Variants in CEMIP2 observed in about 807,000 individuals in gnomAD.
The protein encoded by CEMIP2 is cell surface hyaluronidase CEMIP2.
CEMIP2 carries 79 observed loss-of-function variants against 146.9 expected under a neutral mutation model. The ratio of observed to expected loss-of-function variants is 0.54; its 90% CI spans 0.45 to 0.65. The LOEUF (loss-of-function observed/expected upper bound fraction) is 0.65. Ranked by LOEUF, CEMIP2 falls within the 30% of genes least tolerant of loss-of-function variation. The pLI is 0.00. For missense variants in CEMIP2, 1,596 were observed against 1,696.2 expected, an observed-to-expected ratio of 0.94 and a Z score of 1.04; for synonymous variants, 601 against 606.3, an observed-to-expected ratio of 0.99 and a Z score of 0.13.
At chr9:71,769,377 C>T (rs966240495), upstream of CEMIP2, among the ~76,000 whole-genome samples, 2 of 152,246 alleles carry the variant, frequency 1.3e-5, no homozygotes, top group African/African-American at 4.8e-5. Flanking sequence ...CCTACCTGGC[C>T]AGGCGCGAGC....
At chr9:71,704,857 A>G in intron 17 of CEMIP2, 54 bp from the exon 18 acceptor site, 1 of 1,546,412 alleles carries the variant, frequency 6.5e-7, no homozygotes, top group South Asian at 1.1e-5. Flanking sequence ...TAAACAGCTA[A>G]AAAGACATTT....
At chr9:71,749,925 C>G in intron 2 of CEMIP2, 118 bp downstream of exon 2, 1 of 775,644 alleles carries the variant, frequency 1.3e-6, no homozygotes, top group Non-Finnish European at 2.0e-6. Flanking sequence ...CCTCGTATTA[C>G]CTAACTACAT....
At chr9:71,687,193 C>T (rs1461388970) in intron 22 of CEMIP2, 1 of 152,166 alleles carries the variant, frequency 6.6e-6, no homozygotes, top group Non-Finnish European at 1.5e-5. Context: ...AGATGAACTA[C>T]AGTATCAACT....
chr9:71,757,623 T>A (rs1589169372), intron 1 of CEMIP2, among the ~76,000 whole-genome samples: 2 of 152,358 alleles, frequency 1.3e-5, no homozygotes, highest in Non-Finnish European at 2.9e-5. Context: ...ATAAAATATT[T>A]AACCAGATTC....
At chr9:71,737,170 AAAAG>A (rs1168153653) in intron 5 of CEMIP2, among the ~76,000 whole-genome samples, 6 of 132,024 alleles carry the variant, frequency 4.5e-5, no homozygotes, top group East Asian at 2.0e-4. Flanking sequence ...AAAAAAAAAA[AAAAG>A]AAAGAAAGAA....
chr9:71,686,218 C>A, intron 22 of CEMIP2: 1 of 185,318 alleles, frequency 5.4e-6, no homozygotes, highest in Non-Finnish European at 1.1e-5. Context: ...ACAACACTTG[C>A]ATTACAGCCT....
chr9:71,762,503 C>CAGAAA (rs1824664564), intron 1 of CEMIP2, among the ~76,000 whole-genome samples: 1 of 79,734 alleles, frequency 1.3e-5, no homozygotes, highest in Non-Finnish European at 2.3e-5. Flanking sequence ...GCCCCGTCAC[C>CAGAAA]AAAAAAAAAA....
rs56233516 is a variant in CEMIP2, at chr9:71,756,257, T to TATAG, written c.-12-5873_-12-5872insCTAT. ...ATAGGTGTATATATATATATATATA[T>TATAG]GTATATATACACACGTATATGTATA... On this transcript the variant is annotated intron_variant, in intron 1 of 23. Coordinates refer to ENST00000377044, the MANE Select transcript of CEMIP2 (RefSeq NM_013390.3). 8.6e-4 allele frequency among the ~76,000 whole-genome samples: 125 copies of TATAG among 144,842 alleles called. 3 individuals are homozygous for TATAG. Among genetic ancestry groups the TATAG allele is most frequent in the East Asian group, 8.5e-3 (43 of 5,064 alleles).
intron 1 of CEMIP2, among the ~76,000 whole-genome samples, chr9:71,756,500 TCTCTCTCACACACACACA>T (rs1824460762): frequency 7.3e-6 from 1 of 137,822 alleles, no homozygotes; most frequent in African/African-American, 2.7e-5. Context: ...TCTCTCTCTC[TCTCTCTCACACACACACA>T]CACACACACA....
chr9:71,741,439 A>T (rs1235611168), intron 4 of CEMIP2, among the ~76,000 whole-genome samples: 1 of 151,490 alleles, frequency 6.6e-6, no homozygotes, highest in Non-Finnish European at 1.5e-5. Context: ...TCAGGTGATC[A>T]GCCTGCCTCG....
At position 71,707,294 on chromosome 9, in the gene CEMIP2, T is replaced by C. The variant is rs114798573; in HGVS notation, c.2985+1965A>G. On this transcript the variant is annotated intron_variant, in intron 17 of 23. Coordinates refer to ENST00000377044, the MANE Select transcript of CEMIP2 (RefSeq NM_013390.3). Reference sequence around the variant, plus strand: ...CCTTTCTTCTTTATTCTACTGTAGTTAATTCTCCATCCCTTCTGGGACTTA... The same window carrying C: ...CCTTTCTTCTTTATTCTACTGTAGTCAATTCTCCATCCCTTCTGGGACTTA... Among the ~76,000 whole-genome samples, 633 of 152,302 alleles carry C rather than the reference T, an allele frequency of 4.2e-3. 1 individual carries two copies. The highest frequency in any genetic ancestry group is 0.014 in the African/African-American group (602 of 41,562).
chr9:71,686,754 C>T (rs1309133623), intron 22 of CEMIP2: 1 of 152,126 alleles, frequency 6.6e-6, no homozygotes, highest in African/African-American at 2.4e-5. Context: ...TTAGGGTATC[C>T]ATCACCCAAA....
chr9:71,702,261 G>GGA (rs754414613), intron 18 of CEMIP2, among the ~76,000 whole-genome samples: 37 of 106,158 alleles, frequency 3.5e-4, no homozygotes, highest in African/African-American at 1.1e-3. Flanking sequence ...TTGTCTCAAG[G>GGA]AAAAAAAAAA....
chr9:71,687,158 T>G (rs2131845629), intron 22 of CEMIP2: 1 of 152,340 alleles, frequency 6.6e-6, no homozygotes, highest in East Asian at 1.9e-4. Context: ...TGTTTATATT[T>G]TACTACTTTC....
intron 1 of CEMIP2, among the ~76,000 whole-genome samples, chr9:71,767,593 G>A (rs1240248817): frequency 6.6e-6 from 1 of 152,214 alleles, no homozygotes; most frequent in East Asian, 1.9e-4. Context: ...AGAGCATCCA[G>A]GGAATTCAGG....
At chr9:71,744,326 G>A (rs569331657) in intron 4 of CEMIP2, among the ~76,000 whole-genome samples, 13 of 152,244 alleles carry the variant, frequency 8.5e-5, no homozygotes, top group South Asian at 4.2e-4. Flanking sequence ...AGTGAGATAC[G>A]ATTGTACCAC....
At chr9:71,720,024 C>T (rs1046513714) in intron 12 of CEMIP2, among the ~76,000 whole-genome samples, 11 of 152,022 alleles carry the variant, frequency 7.2e-5, no homozygotes. Flanking sequence ...CCTTTATTTC[C>T]ATCTTCTTTC....
rs751653256 is a variant in CEMIP2 at position 71,725,674 on chromosome 9, T to C, written c.2085A>G (p.Pro695=). The change falls in exon 11 of 24, where the codon CCA becomes CCG. Residue 695 remains proline, a synonymous_variant. Coordinates refer to ENST00000377044, the MANE Select transcript of CEMIP2 (RefSeq NM_013390.3). ...GCTGCAATCCACTGGATTCCCCAGT[T>C]GGTTCCTTGTGGAATAAATACCATA... ...AGIWYLFHKE[P]TGESSGLQLL... The C allele has an allele frequency of 3.5e-5, 56 of 1,613,902 alleles. No homozygotes were observed. The highest frequency in any genetic ancestry group is 4.7e-5 in the Non-Finnish European group (56 of 1,179,968).
chr9:71,704,611 G>T lies in CEMIP2; in HGVS notation c.3178C>A (p.Leu1060Ile). 1 of 1,614,112 alleles carries T rather than the reference G, an allele frequency of 6.2e-7. No homozygotes were observed. Among genetic ancestry groups the T allele is most frequent in the Non-Finnish European group, 8.5e-7 (1 of 1,179,984 alleles). The change falls in exon 18 of 24, where the codon CTC (leucine) becomes ATC (isoleucine). Residue 1060 changes from leucine to isoleucine, a missense_variant. Transcript: ENST00000377044. ...GPAPRTTFLYLVNFNKNDWIR... is the reference protein window; with the variant it reads ...GPAPRTTFLYIVNFNKNDWIR... ...GAAACATACTTGTTGAAGTTGACGA[G>T]GTATAGAAATGTAGTCCGTGGTGCC...
Sources: gnomAD v4.1 joint callset for allele counts (sites outside exome capture counted in the v4.1 genomes callset) on GRCh38, gnomAD v4.1.1 for gene constraint, MANE v1.5 for transcripts, NCBI Gene and HGNC (gene_info 2026-07-23, HGNC 2026-07-21) for gene names.